The following RUFY2 variants were observed in gnomAD, a reference collection of about 807,000 sequenced individuals.
The protein encoded by RUFY2 is RUN and FYVE domain containing 2.
Under a neutral mutation model 94.4 loss-of-function variants are expected in RUFY2, and 49 were observed. That is an observed-to-expected ratio of 0.52 (90% CI 0.41 to 0.66). The LOEUF (loss-of-function observed/expected upper bound fraction) is 0.66. Ranked by LOEUF, RUFY2 falls within the 30% of genes least tolerant of loss-of-function variation. RUFY2 has a pLI of 0.00. For missense variants in RUFY2, 541 were observed against 692.8 expected, an observed-to-expected ratio of 0.78 and a Z score of 2.46; for synonymous variants, 255 against 235.7, an observed-to-expected ratio of 1.08 and a Z score of -0.75.
chr10:68,376,648 A>G (rs1014771437), intron 13 of RUFY2, among the ~76,000 whole-genome samples: 1 of 151,080 alleles, frequency 6.6e-6, no homozygotes, highest in Non-Finnish European at 1.5e-5. Context: ...AACAGAGTTG[A>G]AAGTACTCTG....
chr10:68,404,580 G>T, intron 2 of RUFY2, 91 bp downstream of exon 2: 1 of 847,190 alleles, frequency 1.2e-6, no homozygotes, highest in Non-Finnish European at 1.7e-6. Context: ...GCACAGTAAC[G>T]TAATTATGGC....
intron 13 of RUFY2, among the ~76,000 whole-genome samples, chr10:68,372,989 GT>G (rs1291445180): frequency 6.6e-6 from 1 of 151,548 alleles, no homozygotes; most frequent in Non-Finnish European, 1.5e-5. Context: ...TAATAATGAA[GT>G]TTTCTAAATT....
chr10:68,366,247 T>C (rs191109117), intron 13 of RUFY2, among the ~76,000 whole-genome samples: 45 of 149,584 alleles, frequency 3.0e-4, no homozygotes, highest in African/African-American at 1.1e-3. Flanking sequence ...GAAGAATTGC[T>C]TGGACCCGGG....
intron 7 of RUFY2, among the ~76,000 whole-genome samples, chr10:68,388,699 C>T (rs950652818): frequency 2.0e-5 from 3 of 151,468 alleles, no homozygotes; most frequent in African/African-American, 7.3e-5. Flanking sequence ...AGCTGGGTGT[C>T]GTGGCGCAAG....
intron 7 of RUFY2, among the ~76,000 whole-genome samples, chr10:68,388,850 A>G (rs943397189): frequency 4.6e-4 from 58 of 125,384 alleles, no homozygotes; most frequent in African/African-American, 1.3e-3. Flanking sequence ...AAAAAAAAAA[A>G]AAAAGAAAAG....
intron 1 of RUFY2, among the ~76,000 whole-genome samples, chr10:68,406,421 T>C (rs1414249466): frequency 6.6e-6 from 1 of 152,196 alleles, no homozygotes; most frequent in Non-Finnish European, 1.5e-5. Flanking sequence ...GCAACTCTCA[T>C]TTTTAACACA....
At chr10:68,356,857 CT>C (rs1158693733) in intron 15 of RUFY2, among the ~76,000 whole-genome samples, 1 of 151,812 alleles carries the variant, frequency 6.6e-6, no homozygotes, top group Non-Finnish European at 1.5e-5. Context: ...CATTTTCCAC[CT>C]TTTGAAAATA....
intron 12 of RUFY2, 178 bp from the exon 13 acceptor site, chr10:68,377,150 T>C: frequency 6.8e-7 from 1 of 1,460,008 alleles, no homozygotes; most frequent in Admixed American, 2.7e-5. Context: ...AGAAGTTGTT[T>C]TGTGATTTTT....
At chr10:68,361,773 A>T (rs1196825984) in intron 15 of RUFY2, among the ~76,000 whole-genome samples, 1 of 152,244 alleles carries the variant, frequency 6.6e-6, no homozygotes, top group South Asian at 2.1e-4. Context: ...TATGATTTCT[A>T]CTTAATTGAA....
chr10:68,384,259 G>A (rs2049311634), intron 8 of RUFY2, 107 bp from the exon 9 acceptor site: 2 of 1,356,740 alleles, frequency 1.5e-6, no homozygotes, highest in African/African-American at 1.5e-5. Context: ...CTCACAACTA[G>A]CAAAAGGTCT....
At chr10:68,393,286 A>T in intron 6 of RUFY2, 83 bp from the exon 7 acceptor site, 1 of 642,642 alleles carries the variant, frequency 1.6e-6, no homozygotes, top group Non-Finnish European at 2.6e-6. Context: ...TAAAATTATT[A>T]TAAAACTAAA....
chr10:68,392,203 TG>T (rs2050050230), intron 7 of RUFY2, among the ~76,000 whole-genome samples: 1 of 151,872 alleles, frequency 6.6e-6, no homozygotes, highest in Non-Finnish European at 1.5e-5. Flanking sequence ...GGCTAATTTT[TG>T]TTTTTTTTAG....
At chr10:68,377,117 C>T (rs890794583) in intron 12 of RUFY2, 145 bp from the exon 13 acceptor site, 12 of 1,487,898 alleles carry the variant, frequency 8.1e-6, no homozygotes, top group Admixed American at 4.7e-5. Context: ...CAAACTCAAA[C>T]GTGAAAGAGC....
chr10:68,393,128 T>TA lies in RUFY2; in HGVS notation c.650+9dup. ...TATTCATAAATGTGCTAAGTATCCA[T>TA]AATACTTACTTCAGTTGTCTATTTA... On this transcript the variant is annotated intron_variant, in intron 7 of 17. Coordinates refer to ENST00000602465, the MANE Select transcript of RUFY2 (RefSeq NM_001330103.2). 1 of 1,409,352 alleles carries TA rather than the reference T, an allele frequency of 7.1e-7. No individual in the cohort carries two copies. The highest frequency in any genetic ancestry group is 1.9e-5 in the Admixed American group (1 of 52,556). The allele number at this position is 1,409,352 out of a possible 1,614,324, so 87.3% of individuals were successfully genotyped here.
chr10:68,354,130 A>G (rs1224775978), intron 16 of RUFY2, among the ~76,000 whole-genome samples: 2 of 152,098 alleles, frequency 1.3e-5, no homozygotes, highest in Non-Finnish European at 2.9e-5. Flanking sequence ...CATCATCATC[A>G]TTATTATTAA....
chr10:68,341,622 T>C, downstream of RUFY2: 5 of 1,613,636 alleles, frequency 3.1e-6, no homozygotes, highest in Non-Finnish European at 4.2e-6. Flanking sequence ...ATTCTACTCC[T>C]GGAGGCGGCT....
At chr10:68,400,723 A>AG (rs903097128) in intron 3 of RUFY2, among the ~76,000 whole-genome samples, 1 of 144,178 alleles carries the variant, frequency 6.9e-6, no homozygotes, top group Non-Finnish European at 1.5e-5. Context: ...AAAAAAAAAA[A>AG]GAATATAGGC....
intron 16 of RUFY2, among the ~76,000 whole-genome samples, chr10:68,347,946 G>A (rs886807639): frequency 6.6e-6 from 1 of 151,782 alleles, no homozygotes; most frequent in African/African-American, 2.4e-5. Context: ...AGAATTCTTT[G>A]AAGAAAAAAA....
chr10:68,407,249 C>G lies in RUFY2; in HGVS notation c.-60G>C. ...CCCTCGGCCTGTCCAGCAGCTCCTT[C>G]CAGGCGCTCGGCGGCCACCACCGCA... On this transcript the variant is annotated 5_prime_UTR_variant, in exon 1 of 18. Coordinates refer to ENST00000602465, the MANE Select transcript of RUFY2 (RefSeq NM_001330103.2). The G allele has an allele frequency of 7.9e-7, 1 of 1,267,272 alleles. No homozygotes were observed. 78.5% of individuals were successfully genotyped at this position (1,267,272 alleles called of 1,614,324 possible).
Sources: allele counts gnomAD v4.1 joint callset (sites outside exome capture counted in the v4.1 genomes callset), GRCh38; gene constraint gnomAD v4.1.1; transcripts MANE v1.5; gene names NCBI Gene and HGNC (gene_info 2026-07-23, HGNC 2026-07-21).